The following CSMD3 variants were observed in gnomAD, a reference collection of about 807,000 sequenced individuals.
The protein encoded by CSMD3 is CUB and Sushi multiple domains 3, also known as CUB and sushi domain-containing protein 3.
CSMD3 carries 177 observed loss-of-function variants against 435.2 expected under a neutral mutation model. The ratio of observed to expected loss-of-function variants is 0.41; its 90% confidence interval spans 0.36 to 0.46. The LOEUF (loss-of-function observed/expected upper bound fraction) is 0.46. Among genes scored for constraint, CSMD3 ranks in the 20% least tolerant of loss-of-function variants. The pLI, the probability that CSMD3 is intolerant of heterozygous loss-of-function variation, is 0.34. For synonymous variants in CSMD3, 1,656 were observed against 1,520.5 expected (o/e 1.09, Z -2.07); for missense variants, 4,265 against 4,504.6 (o/e 0.95, Z 1.52).
At chr8:112,934,067 C>T (rs1453344175) in intron 9 of CSMD3, among the ~76,000 whole-genome samples, 1 of 152,020 alleles carries the variant, frequency 6.6e-6, no homozygotes, top group Non-Finnish European at 1.5e-5. Context: ...GCAGTGGGTA[C>T]ACAGTGGGTA....
intron 4 of CSMD3, among the ~76,000 whole-genome samples, chr8:113,141,082 T>C (rs531043298): frequency 2.6e-5 from 4 of 150,978 alleles, no homozygotes; most frequent in Non-Finnish European, 4.5e-5. Flanking sequence ...TTTGATAACA[T>C]AGATGAAACT....
chr8:112,257,573 A>G (rs922974826), intron 61 of CSMD3, among the ~76,000 whole-genome samples: 17 of 152,232 alleles, frequency 1.1e-4, no homozygotes, highest in Non-Finnish European at 1.5e-4. Flanking sequence ...AGAACTTACA[A>G]GGGATGTGAA....
chr8:112,813,826 C>T (rs548192640), intron 12 of CSMD3, among the ~76,000 whole-genome samples: 4 of 152,204 alleles, frequency 2.6e-5, no homozygotes, highest in Non-Finnish European at 5.9e-5. Context: ...AAAGGAAAAA[C>T]AAGTCAGCAA....
At position 112,429,983 on chromosome 8, in the gene CSMD3, G is replaced by T. The variant is rs531818560; in HGVS notation, c.5396-20951C>A. Among the ~76,000 whole-genome samples the T allele has an allele frequency of 1.7e-4, 26 of 151,706 alleles. 1 individual carries two copies. Among genetic ancestry groups the T allele is most frequent in the African/African-American group, 6.0e-4 (25 of 41,400 alleles). Reference sequence around the variant, plus strand: ...AGTTTCTGTATTTTAGCAACAGGTGGGATTAAAAAACAGTAGTGTCTGGTG... The same window carrying T: ...AGTTTCTGTATTTTAGCAACAGGTGTGATTAAAAAACAGTAGTGTCTGGTG... On this transcript the variant is annotated intron_variant, in intron 32 of 70. Transcript: ENST00000297405.
At chr8:112,867,866 A>G (rs906285774) in intron 10 of CSMD3, among the ~76,000 whole-genome samples, 2 of 152,100 alleles carry the variant, frequency 1.3e-5, no homozygotes, top group African/African-American at 4.8e-5. Context: ...ATAACTATAA[A>G]TTGTTTTTTA....
At chr8:112,710,089 G>A (rs2076579845) in intron 13 of CSMD3, among the ~76,000 whole-genome samples, 1 of 152,084 alleles carries the variant, frequency 6.6e-6, no homozygotes, top group African/African-American at 2.4e-5. Context: ...TGAAAAGGTA[G>A]GAGTCCAACA....
chr8:112,741,794 A>AAAGATAGATAGAT (rs1554667815), intron 13 of CSMD3, among the ~76,000 whole-genome samples: 10 of 149,352 alleles, frequency 6.7e-5, no homozygotes, highest in African/African-American at 2.5e-4. Context: ...AGATAGAGAG[A>AAAGATAGATAGAT]AGATAGATAG....
rs377759551 is a variant in CSMD3 at position 112,870,185 on chromosome 8, G to GA, written c.1634-10920dup. Among the ~76,000 whole-genome samples the GA allele has an allele frequency of 7.6e-4, 110 of 144,820 alleles. 1 individual carries two copies. Among genetic ancestry groups the GA allele is most frequent in the South Asian group, 7.4e-3 (34 of 4,570 alleles). ...GTGTCATGGAGGCCAACAATCACAT[G>GA]AAAAAAAAAACTCAACATCAGTAAT... is the stretch of plus-strand genomic sequence containing the variant. On this transcript the variant is annotated intron_variant, in intron 10 of 70. Transcript: ENST00000297405.
chr8:112,296,787 A>G (rs1249572117), intron 53 of CSMD3, among the ~76,000 whole-genome samples: 3 of 151,886 alleles, frequency 2.0e-5, no homozygotes, highest in African/African-American at 7.2e-5. Context: ...ATAATAGAGA[A>G]CATTAAGTTA....
chr8:112,909,527 T>C (rs1035415875), intron 10 of CSMD3, among the ~76,000 whole-genome samples: 3 of 151,856 alleles, frequency 2.0e-5, no homozygotes, highest in Non-Finnish European at 2.9e-5. Flanking sequence ...AACGAATATG[T>C]TGAAATGTTG....
At chr8:112,571,355 T>C (rs1829498115) in intron 24 of CSMD3, among the ~76,000 whole-genome samples, 1 of 152,066 alleles carries the variant, frequency 6.6e-6, no homozygotes, top group Non-Finnish European at 1.5e-5. Flanking sequence ...TATTTGCTAA[T>C]TAAAATATCT....
intron 13 of CSMD3, among the ~76,000 whole-genome samples, chr8:112,713,057 T>G (rs1233531176): frequency 6.6e-6 from 1 of 152,112 alleles, no homozygotes; most frequent in Non-Finnish European, 1.5e-5. Context: ...GTATCTAGGT[T>G]GTCAACAGGA....
intron 3 of CSMD3, among the ~76,000 whole-genome samples, chr8:113,213,615 T>C (rs1359944761): frequency 2.0e-5 from 3 of 152,080 alleles, no homozygotes; most frequent in Admixed American, 6.6e-5. Flanking sequence ...TTAGATTTAA[T>C]ATGATTATTT....
intron 4 of CSMD3, among the ~76,000 whole-genome samples, chr8:113,167,529 G>A (rs1013670983): frequency 6.6e-6 from 1 of 152,078 alleles, no homozygotes; most frequent in Non-Finnish European, 1.5e-5. Flanking sequence ...GTCTAATCAG[G>A]ACATGTACGT....
intron 5 of CSMD3, among the ~76,000 whole-genome samples, chr8:113,080,074 T>A (rs1170192023): frequency 6.6e-6 from 1 of 152,058 alleles, no homozygotes; most frequent in Admixed American, 6.5e-5. Context: ...GGACAGAGGA[T>A]TGTTTGTTTG....
At chr8:113,290,254 A>G (rs1278729471) in intron 2 of CSMD3, among the ~76,000 whole-genome samples, 1 of 151,662 alleles carries the variant, frequency 6.6e-6, no homozygotes, top group Non-Finnish European at 1.5e-5. Flanking sequence ...GAGCACTGCA[A>G]TTGGAGATTT....
At chr8:112,629,029 C>T (rs2074435199) in intron 22 of CSMD3, among the ~76,000 whole-genome samples, 2 of 151,982 alleles carry the variant, frequency 1.3e-5, no homozygotes, top group Admixed American at 6.6e-5. Context: ...GAAAAAGGCA[C>T]AAGAATGAAG....
chr8:112,505,559 A>G (rs1822413655), intron 29 of CSMD3, among the ~76,000 whole-genome samples: 1 of 152,158 alleles, frequency 6.6e-6, no homozygotes, highest in African/African-American at 2.4e-5. Context: ...GGAACACAGT[A>G]CATTTCTTTT....
At chr8:113,388,591 C>T (rs1287606433) in intron 1 of CSMD3, among the ~76,000 whole-genome samples, 3 of 151,424 alleles carry the variant, frequency 2.0e-5, no homozygotes, top group Non-Finnish European at 3.0e-5. Flanking sequence ...AGTTGGTCAC[C>T]ACACATGGTA....
Sources: allele counts gnomAD v4.1 joint callset (sites outside exome capture counted in the v4.1 genomes callset), GRCh38; gene constraint gnomAD v4.1.1; transcripts MANE v1.5; gene names NCBI Gene and HGNC (gene_info 2026-07-23, HGNC 2026-07-21).